The following TANGO6 variants were observed in gnomAD, a reference collection of about 807,000 sequenced individuals.
TANGO6 encodes transport and Golgi organization protein 6 homolog.
In TANGO6, 90 loss-of-function variants were observed where a neutral mutation model predicts 114.2. That is an observed-to-expected ratio of 0.79 (90% CI 0.66 to 0.94). TANGO6 has a LOEUF of 0.94. Among genes scored for constraint, TANGO6 ranks in the 40% least tolerant of loss-of-function variants. The pLI, the probability that TANGO6 is intolerant of heterozygous loss-of-function variation, is 0.00. For missense variants in TANGO6, 1,274 were observed against 1,315.3 expected (o/e 0.97, Z 0.49); for synonymous variants, 477 against 509.8 (o/e 0.94, Z 0.87).
At chr16:69,022,355 C>A (rs954093771) in intron 15 of TANGO6, among the ~76,000 whole-genome samples, 9 of 152,024 alleles carry the variant, frequency 5.9e-5, no homozygotes, top group African/African-American at 2.2e-4. Flanking sequence ...TTTTTCATAA[C>A]ATGAAATATT....
chr16:68,936,073 A>G (rs1053771577), intron 14 of TANGO6, among the ~76,000 whole-genome samples: 1 of 152,148 alleles, frequency 6.6e-6, no homozygotes, highest in Admixed American at 6.5e-5. Flanking sequence ...AGTCCCAACT[A>G]TTTAGGAGGC....
In TANGO6 at chr16:69,019,376, T is replaced by A. The variant is rs377706614; in HGVS notation, c.2843-3452T>A. 6.6e-5 allele frequency among the ~76,000 whole-genome samples: 10 copies of A among 152,216 alleles called. No homozygotes were observed. The East Asian group carries it at 1.5e-3, about 23-fold the overall frequency. ...TTAGTTTTGGCAGCATACGTTGATGTTAACAGGACAGAGGTGAGTCTTATG... is the reference window on the plus strand; with the variant it reads ...TTAGTTTTGGCAGCATACGTTGATGATAACAGGACAGAGGTGAGTCTTATG... On this transcript the variant is annotated intron_variant, in intron 15 of 17. Transcript: ENST00000261778.
At chr16:69,083,344 C>A in intron 17 of TANGO6, 141 bp from the exon 18 acceptor site, 1 of 1,080,640 alleles carries the variant, frequency 9.3e-7, no homozygotes, top group Non-Finnish European at 1.3e-6. Context: ...CAGGCATGAG[C>A]CACTGCACCC....
chr16:68,861,438 G>A (rs912767456), intron 2 of TANGO6, among the ~76,000 whole-genome samples: 1 of 152,168 alleles, frequency 6.6e-6, no homozygotes, highest in African/African-American at 2.4e-5. Flanking sequence ...TATCATCCAA[G>A]TGTTGGCATG....
chr16:68,912,959 A>C (rs908013653), intron 11 of TANGO6, among the ~76,000 whole-genome samples: 6 of 151,482 alleles, frequency 4.0e-5, no homozygotes, highest in Admixed American at 6.6e-5. Context: ...AAGCGCCTGT[A>C]ATCCCAGCTA....
intron 11 of TANGO6, among the ~76,000 whole-genome samples, chr16:68,917,504 C>T (rs1963023006): frequency 6.6e-6 from 1 of 152,106 alleles, no homozygotes; most frequent in Non-Finnish European, 1.5e-5. Context: ...GTGGCTGTAC[C>T]ATTTTGCATT....
chr16:69,054,226 A>G (rs540262179), intron 17 of TANGO6, among the ~76,000 whole-genome samples: 2 of 152,122 alleles, frequency 1.3e-5, no homozygotes, highest in African/African-American at 2.4e-5. Context: ...CTGTGTCTCT[A>G]TCTAATGTCT....
intron 1 of TANGO6, among the ~76,000 whole-genome samples, chr16:68,847,867 GC>G (rs776447475): frequency 6.6e-6 from 1 of 152,040 alleles, no homozygotes; most frequent in Non-Finnish European, 1.5e-5. Context: ...GGGCGTGGTG[GC>G]ATGCGCCGGT....
At chr16:68,881,279 C>T (rs954329546) in intron 7 of TANGO6, among the ~76,000 whole-genome samples, 4 of 151,882 alleles carry the variant, frequency 2.6e-5, no homozygotes, top group East Asian at 3.9e-4. Context: ...TTTGAGAGGC[C>T]GAGGAGAGTG....
intron 16 of TANGO6, among the ~76,000 whole-genome samples, chr16:69,030,198 C>T (rs1354333529): frequency 1.3e-5 from 2 of 151,804 alleles, no homozygotes; most frequent in Admixed American, 6.6e-5. Context: ...AAACAACTGC[C>T]GTGTTAGGGG....
chr16:69,040,280 T>C (rs1224714023), intron 16 of TANGO6, 28 bp from the exon 17 acceptor site: 18 of 1,559,640 alleles, frequency 1.2e-5, no homozygotes, highest in South Asian at 7.0e-5. Context: ...CTGATTCTTA[T>C]CAACTTCATC....
At chr16:68,982,630 CTTTT>C (rs562523656) in intron 15 of TANGO6, among the ~76,000 whole-genome samples, 51 of 105,296 alleles carry the variant, frequency 4.8e-4, no homozygotes, top group Middle Eastern at 5.3e-3. Flanking sequence ...ATGCCCTGGC[CTTTT>C]TTTTTTTTTT....
intron 14 of TANGO6, chr16:68,937,821 A>G (rs142122908): frequency 6.2e-4 from 95 of 152,252 alleles, no homozygotes; most frequent in African/African-American, 2.1e-3. Context: ...CTTTTTGGCT[A>G]TTATGACGAG....
Position 68,905,495 on chromosome 16 carries a change from C to T in TANGO6, c.1668-1948C>T, listed in dbSNP as rs186397522. ...AGGTTGCAGTGAGCCGAGATTGCGC[C>T]ATTGCACTCCAGCCTAGGTGACGAG... On this transcript the variant is annotated intron_variant, in intron 9 of 17. Transcript: ENST00000261778. 3.4e-3 allele frequency among the ~76,000 whole-genome samples: 506 copies of T among 150,446 alleles called. 2 individuals are homozygous for T. The highest frequency in any genetic ancestry group is 5.4e-3 in the Admixed American group (81 of 15,124).
In TANGO6 at chr16:69,040,376, T is replaced by C; in HGVS notation, c.3063T>C (p.His1021=). The C allele has an allele frequency of 1.9e-6, 3 of 1,609,372 alleles. No homozygotes were observed. Among genetic ancestry groups the C allele is most frequent in the Non-Finnish European group, 2.5e-6 (3 of 1,178,102 alleles). ...GEVQVRRAAI[H]VVVLLLRGLS... ...TTCAAGTACGCAGAGCTGCCATACA[T>C]GTGGTTGTGCTGCTGCTTCGGGGAC... is the stretch of plus-strand genomic sequence containing the variant. Residue 1021 remains histidine, a synonymous_variant, in exon 17 of 18, where the codon CAT becomes CAC. Transcript: ENST00000261778.
At position 68,858,935 on chromosome 16, in the gene TANGO6, G is replaced by A. The variant is rs115949808; in HGVS notation, c.95-949G>A. Among the ~76,000 whole-genome samples, 373 of 152,238 alleles carry A rather than the reference G, an allele frequency of 2.5e-3. 4 individuals carry two copies. The highest frequency in any genetic ancestry group is 8.6e-3 in the African/African-American group (357 of 41,536). ...CCGTAGATTATTTTAGAAGTACATT[G>A]TTTAATTTCCAAACATTTAAGGCTT... On this transcript the variant is annotated intron_variant, in intron 1 of 17. Transcript: ENST00000261778.
intron 15 of TANGO6, among the ~76,000 whole-genome samples, chr16:68,988,510 C>G (rs1027871195): frequency 6.6e-6 from 1 of 152,094 alleles, no homozygotes; most frequent in South Asian, 2.1e-4. Context: ...TTTTATGAAG[C>G]CCATTTTATA....
chr16:69,073,134 G>A (rs896137547), intron 17 of TANGO6, among the ~76,000 whole-genome samples: 9 of 151,918 alleles, frequency 5.9e-5, no homozygotes, highest in Non-Finnish European at 1.0e-4. Flanking sequence ...ATTGGAGAGA[G>A]TGTTGGGAGA....
At chr16:68,921,607 C>CTTTT (rs1167059062) in intron 12 of TANGO6, among the ~76,000 whole-genome samples, 14 of 57,942 alleles carry the variant, frequency 2.4e-4, no homozygotes, top group African/African-American at 5.8e-4. Flanking sequence ...TGAGAGTGTG[C>CTTTT]TTTTTTTTTT....
Sources: allele counts gnomAD v4.1 joint callset (sites outside exome capture counted in the v4.1 genomes callset), GRCh38; gene constraint gnomAD v4.1.1; transcripts MANE v1.5; gene names NCBI Gene and HGNC (gene_info 2026-07-23, HGNC 2026-07-21).